UNC13C: variants seen among roughly 807,000 people sequenced by gnomAD.
UNC13C encodes protein unc-13 homolog C.
In UNC13C, 174 loss-of-function variants were observed where a neutral mutation model predicts 245.4. The observed-to-expected ratio is 0.71, with a 90% CI of 0.63 to 0.80. The LOEUF is 0.80. UNC13C is among the 30% of genes least tolerant of loss of function. The probability of loss-of-function intolerance (pLI) is 0.00; values close to 1 mark genes in which losing one functional copy is unlikely to be tolerated. For missense variants in UNC13C, 2,829 were observed against 2,602.9 expected (o/e 1.09, Z -1.89); for synonymous variants, 992 against 895.1 (o/e 1.11, Z -1.93).
At chr15:54,448,427 C>T (rs1266375441) in intron 19 of UNC13C, among the ~76,000 whole-genome samples, 1 of 152,118 alleles carries the variant, frequency 6.6e-6, no homozygotes, top group Non-Finnish European at 1.5e-5. Flanking sequence ...TTGTAGGTCC[C>T]TAAGGACTTC....
At chr15:54,621,389 G>T (rs1900787251) in intron 30 of UNC13C, among the ~76,000 whole-genome samples, 1 of 151,822 alleles carries the variant, frequency 6.6e-6, no homozygotes, top group Admixed American at 6.6e-5. Flanking sequence ...ATAATAGCAA[G>T]GAATTAAACA....
intron 4 of UNC13C, among the ~76,000 whole-genome samples, chr15:54,233,887 G>A (rs1436138392): frequency 6.6e-6 from 1 of 152,156 alleles, no homozygotes; most frequent in African/African-American, 2.4e-5. Flanking sequence ...AGGTCAGCAA[G>A]GGGTTTTGTA....
chr15:54,060,395 A>G (rs1897759468), intron 2 of UNC13C, among the ~76,000 whole-genome samples: 2 of 152,166 alleles, frequency 1.3e-5, no homozygotes, highest in Non-Finnish European at 2.9e-5. Context: ...CATCAGAGAA[A>G]TGCAAATCAA....
chr15:54,459,375 G>A (rs1347292843), intron 19 of UNC13C, among the ~76,000 whole-genome samples: 1 of 152,090 alleles, frequency 6.6e-6, no homozygotes, highest in African/African-American at 2.4e-5. Flanking sequence ...ATGTCCCTAG[G>A]TGATGACCTT....
At chr15:54,151,965 G>A (rs781463036) in intron 4 of UNC13C, among the ~76,000 whole-genome samples, 3 of 152,004 alleles carry the variant, frequency 2.0e-5, no homozygotes, top group Admixed American at 1.3e-4. Flanking sequence ...CCACTAACTC[G>A]ACCTCATAAT....
chr15:54,609,323 T>A (rs1899949437), intron 30 of UNC13C: 1 of 152,170 alleles, frequency 6.6e-6, no homozygotes, highest in South Asian at 2.1e-4. Flanking sequence ...GCATTACCAA[T>A]TTTCCTCTCA....
At chr15:54,322,788 A>G (rs1337225959) in intron 14 of UNC13C, among the ~76,000 whole-genome samples, 1 of 152,020 alleles carries the variant, frequency 6.6e-6, no homozygotes, top group Non-Finnish European at 1.5e-5. Context: ...GTAAAGTGGT[A>G]AGAGTCAGAA....
At chr15:54,078,949 A>G (rs1673735423) in intron 2 of UNC13C, among the ~76,000 whole-genome samples, 1 of 152,178 alleles carries the variant, frequency 6.6e-6, no homozygotes, top group Non-Finnish European at 1.5e-5. Flanking sequence ...TTCAGGTCTT[A>G]CATTTAAGTC....
At chr15:54,621,596 A>G (rs896126732) in intron 30 of UNC13C, among the ~76,000 whole-genome samples, 1 of 152,148 alleles carries the variant, frequency 6.6e-6, no homozygotes, top group Non-Finnish European at 1.5e-5. Context: ...CAGTTTGGGG[A>G]AAAATGTGTA....
chr15:53,862,197 A>G, the UNC13C span, among the ~76,000 whole-genome samples: 6 of 152,240 alleles, frequency 3.9e-5, no homozygotes, highest in South Asian at 1.2e-3. Context: ...TCCTGCACAG[A>G]ATGAGGTCCA....
At chr15:54,255,584 T>C (rs573824200) in intron 8 of UNC13C, among the ~76,000 whole-genome samples, 2 of 152,224 alleles carry the variant, frequency 1.3e-5, no homozygotes, top group African/African-American at 4.8e-5. Flanking sequence ...CCTCTGCTGA[T>C]GTGCTCCTCT....
chr15:53,987,268 A>G (rs921353206), intron 1 of UNC13C, among the ~76,000 whole-genome samples: 3 of 152,022 alleles, frequency 2.0e-5, no homozygotes, highest in Non-Finnish European at 1.5e-5. Flanking sequence ...TGGGTAATTC[A>G]AATTTTATTT....
intron 2 of UNC13C, among the ~76,000 whole-genome samples, chr15:54,057,843 A>G (rs1897609366): frequency 6.6e-6 from 1 of 152,194 alleles, no homozygotes; most frequent in Non-Finnish European, 1.5e-5. Context: ...AAACTGAACA[A>G]CCTGCTCCTG....
At chr15:54,158,089 A>C (rs997604952) in intron 4 of UNC13C, among the ~76,000 whole-genome samples, 1 of 152,208 alleles carries the variant, frequency 6.6e-6, no homozygotes, top group African/African-American at 2.4e-5. Flanking sequence ...CCAGAACGAC[A>C]AAGAGACAAG....
intron 2 of UNC13C, among the ~76,000 whole-genome samples, chr15:54,046,922 A>T (rs1053272479): frequency 6.6e-6 from 1 of 152,078 alleles, no homozygotes; most frequent in Non-Finnish European, 1.5e-5. Flanking sequence ...AGACATAGTA[A>T]TTCAGATAGG....
At chr15:54,088,993 G>A (rs562357643) in intron 2 of UNC13C, among the ~76,000 whole-genome samples, 3 of 152,262 alleles carry the variant, frequency 2.0e-5, no homozygotes, top group Admixed American at 6.5e-5. Flanking sequence ...GAAACTTGAT[G>A]CTGGCCTTGG....
chr15:54,001,951 C>T (rs899153053), intron 1 of UNC13C, among the ~76,000 whole-genome samples: 5 of 152,206 alleles, frequency 3.3e-5, no homozygotes, highest in South Asian at 2.1e-4. Context: ...TGTTATCCCA[C>T]TTGAACAGTA....
chr15:54,629,389 TTACCTACGTAA>T (rs1373664675), downstream of UNC13C: 2 of 151,994 alleles, frequency 1.3e-5, no homozygotes, highest in East Asian at 1.9e-4. Context: ...GACACACAAT[TTACCTACGTAA>T]TAAACCTGGA....
chr15:53,897,648 T>A, the UNC13C span, among the ~76,000 whole-genome samples: 28 of 152,230 alleles, frequency 1.8e-4, no homozygotes, highest in African/African-American at 6.5e-4. Flanking sequence ...CACACTGTTA[T>A]AGCATCATCT....
Sources: gnomAD v4.1 joint callset for allele counts (sites outside exome capture counted in the v4.1 genomes callset) on GRCh38, gnomAD v4.1.1 for gene constraint, MANE v1.5 for transcripts, NCBI Gene and HGNC (gene_info 2026-07-23, HGNC 2026-07-21) for gene names.